C12orf42: variants seen among roughly 807,000 people sequenced by gnomAD.
The protein encoded by C12orf42 is uncharacterized protein C12orf42.
C12orf42 carries 25 observed loss-of-function variants against 21.6 expected under a neutral mutation model. The ratio of observed to expected loss-of-function variants is 1.16; its 90% CI spans 0.84 to 1.62. The LOEUF (loss-of-function observed/expected upper bound fraction) is 1.62, where lower values mean the gene tolerates loss of function less well. C12orf42 is among the 40% of genes most tolerant of loss of function. C12orf42 has a pLI of 0.00. For missense variants in C12orf42, 483 were observed against 459.3 expected, an observed-to-expected ratio of 1.05 and a Z score of -0.47; for synonymous variants, 174 against 175.0, an observed-to-expected ratio of 0.99 and a Z score of 0.05.
chr12:103,148,800 T>C, the C12orf42 span, among the ~76,000 whole-genome samples: 10 of 152,282 alleles, frequency 6.6e-5, no homozygotes, highest in Admixed American at 4.6e-4. Context: ...GAATTAAGTG[T>C]TATTAAAAAA....
chr12:103,380,355 AT>A (rs903899750), intron 3 of C12orf42, among the ~76,000 whole-genome samples: 61 of 150,448 alleles, frequency 4.1e-4, no homozygotes, highest in Middle Eastern at 3.4e-3. Flanking sequence ...CTTCTGTGAG[AT>A]TTTTTTTTTG....
At chr12:103,452,324 T>G (rs887965576) in intron 2 of C12orf42, among the ~76,000 whole-genome samples, 1 of 152,096 alleles carries the variant, frequency 6.6e-6, no homozygotes, top group African/African-American at 2.4e-5. Flanking sequence ...ACACCATCAC[T>G]TCCACCACAT....
chr12:103,420,672 G>A (rs1263150243), intron 2 of C12orf42, among the ~76,000 whole-genome samples: 1 of 152,024 alleles, frequency 6.6e-6, no homozygotes, highest in Non-Finnish European at 1.5e-5. Flanking sequence ...TTGAATTACA[G>A]GCGCACACCA....
chr12:103,473,312 T>C (rs1451450419), intron 2 of C12orf42, among the ~76,000 whole-genome samples: 2 of 152,214 alleles, frequency 1.3e-5, no homozygotes, highest in African/African-American at 2.4e-5. Flanking sequence ...TCCCATATAG[T>C]GGATGCTAAA....
intron 2 of C12orf42, among the ~76,000 whole-genome samples, chr12:103,445,578 T>C (rs561536673): frequency 9.9e-5 from 15 of 152,168 alleles, no homozygotes; most frequent in Middle Eastern, 3.4e-3. Context: ...GTAAAATGCT[T>C]GTGCAAGTCC....
At chr12:103,216,595 G>A in the C12orf42 span, among the ~76,000 whole-genome samples, 1 of 151,902 alleles carries the variant, frequency 6.6e-6, no homozygotes. Flanking sequence ...AGCCAGGATA[G>A]TCTCGATCTC....
chr12:103,145,001 C>T, the C12orf42 span, among the ~76,000 whole-genome samples: 2 of 152,132 alleles, frequency 1.3e-5, no homozygotes, highest in Non-Finnish European at 2.9e-5. Flanking sequence ...GTCATGTGAT[C>T]TACCCTGGAT....
chr12:103,158,740 C>A, the C12orf42 span, among the ~76,000 whole-genome samples: 1 of 151,702 alleles, frequency 6.6e-6, no homozygotes, highest in Non-Finnish European at 1.5e-5. Flanking sequence ...ATTAGCTGGG[C>A]GTGGTGGCAG....
At chr12:103,394,336 A>T (rs2047332732) in intron 3 of C12orf42, among the ~76,000 whole-genome samples, 1 of 152,176 alleles carries the variant, frequency 6.6e-6, no homozygotes, top group Non-Finnish European at 1.5e-5. Context: ...TGAGAAAATG[A>T]TGCTCTTTTC....
the C12orf42 span, among the ~76,000 whole-genome samples, chr12:103,055,810 C>T: frequency 6.6e-6 from 1 of 151,948 alleles, no homozygotes; most frequent in African/African-American, 2.4e-5. Context: ...TTGACCGATG[C>T]AATATTTAGA....
chr12:103,374,631 C>T (rs1049541393), intron 3 of C12orf42, among the ~76,000 whole-genome samples: 1 of 152,060 alleles, frequency 6.6e-6, no homozygotes, highest in Non-Finnish European at 1.5e-5. Context: ...TCTTGGGCCA[C>T]ACACAAAATA....
chr12:103,291,965 A>G (rs1298769066), intron 4 of C12orf42, among the ~76,000 whole-genome samples: 2 of 152,190 alleles, frequency 1.3e-5, no homozygotes, highest in South Asian at 4.1e-4. Context: ...AAACTGGTAC[A>G]TGAGTGTTGA....
chr12:103,442,657 G>C (rs1035459071), intron 2 of C12orf42, among the ~76,000 whole-genome samples: 4 of 152,004 alleles, frequency 2.6e-5, no homozygotes, highest in African/African-American at 7.2e-5. Context: ...AAATCTCAGG[G>C]CTTTATGATC....
intron 4 of C12orf42, among the ~76,000 whole-genome samples, chr12:103,325,562 G>T (rs1476173090): frequency 6.6e-6 from 1 of 152,190 alleles, no homozygotes; most frequent in Non-Finnish European, 1.5e-5. Flanking sequence ...AAGGTTGAAG[G>T]TCATGACATC....
At chr12:103,410,924 T>C (rs1249993853) in intron 2 of C12orf42, among the ~76,000 whole-genome samples, 2 of 152,206 alleles carry the variant, frequency 1.3e-5, no homozygotes, top group Non-Finnish European at 2.9e-5. Context: ...CATCTCTATT[T>C]AGATAAAAAA....
chr12:103,196,763 T>C, the C12orf42 span, among the ~76,000 whole-genome samples: 1 of 152,168 alleles, frequency 6.6e-6, no homozygotes, highest in Non-Finnish European at 1.5e-5. Context: ...GTCTTCTGTT[T>C]GCTTGATAGA....
the C12orf42 span, among the ~76,000 whole-genome samples, chr12:103,140,271 G>C: frequency 6.6e-6 from 1 of 152,132 alleles, no homozygotes; most frequent in African/African-American, 2.4e-5. Flanking sequence ...TCATTGTTTT[G>C]ATACCTTGTG....
chr12:103,193,544 A>C, the C12orf42 span, among the ~76,000 whole-genome samples: 2 of 152,040 alleles, frequency 1.3e-5, no homozygotes, highest in African/African-American at 4.8e-5. Context: ...GAAATAAAAA[A>C]GATTAAAAGG....
At chr12:103,338,155 G>A (rs1403549260) in intron 4 of C12orf42, among the ~76,000 whole-genome samples, 1 of 152,172 alleles carries the variant, frequency 6.6e-6, no homozygotes, top group Non-Finnish European at 1.5e-5. Flanking sequence ...CAGTGTAACT[G>A]AGGAACTGAA....
Sources: gnomAD v4.1 joint callset for allele counts (sites outside exome capture counted in the v4.1 genomes callset) on GRCh38, gnomAD v4.1.1 for gene constraint, MANE v1.5 for transcripts, NCBI Gene and HGNC (gene_info 2026-07-23, HGNC 2026-07-21) for gene names.